MALRD1: variants seen among roughly 807,000 people sequenced by gnomAD.
The protein encoded by MALRD1 is MAM and LDL-receptor class A domain-containing protein 1.
MALRD1 carries 247 observed loss-of-function variants against 242.1 expected under a neutral mutation model. The ratio of observed to expected loss-of-function variants is 1.02; its 90% CI spans 0.92 to 1.13. The LOEUF is 1.13. MALRD1 is among the 50% of genes most tolerant of loss of function. The pLI is 0.00. For missense variants in MALRD1, 2,989 were observed against 2,533.1 expected, an observed-to-expected ratio of 1.18 and a Z score of -3.86; for synonymous variants, 995 against 866.6, an observed-to-expected ratio of 1.15 and a Z score of -2.60.
chr10:19,318,039 T>G (rs1842774451), intron 21 of MALRD1, among the ~76,000 whole-genome samples: 1 of 152,004 alleles, frequency 6.6e-6, no homozygotes, highest in African/African-American at 2.4e-5. Flanking sequence ...GAAAAGATAA[T>G]TTGAAGGTTG....
At chr10:19,303,164 G>T (rs1230416657) in intron 21 of MALRD1, among the ~76,000 whole-genome samples, 1 of 151,444 alleles carries the variant, frequency 6.6e-6, no homozygotes, top group Non-Finnish European at 1.5e-5. Context: ...TAAATAAAAG[G>T]ATTCAACAAG....
chr10:19,373,345 A>G (rs904588800), intron 26 of MALRD1, among the ~76,000 whole-genome samples: 1 of 151,984 alleles, frequency 6.6e-6, no homozygotes, highest in African/African-American at 2.4e-5. Flanking sequence ...TACTAAAAAT[A>G]CAGAAACAAC....
chr10:19,657,823 A>G (rs1841235745), intron 36 of MALRD1, among the ~76,000 whole-genome samples: 1 of 152,182 alleles, frequency 6.6e-6, no homozygotes, highest in Non-Finnish European at 1.5e-5. Flanking sequence ...TATAGATTAT[A>G]TACACATGCA....
chr10:19,645,570 C>T (rs1840617583), intron 36 of MALRD1, among the ~76,000 whole-genome samples: 1 of 152,124 alleles, frequency 6.6e-6, no homozygotes, highest in Non-Finnish European at 1.5e-5. Flanking sequence ...GAGTTCATGT[C>T]CTTTGTAGGG....
intron 29 of MALRD1, chr10:19,490,983 G>A: frequency 5.6e-6 from 1 of 178,524 alleles, no homozygotes; most frequent in South Asian, 1.3e-4. Flanking sequence ...ACCTCCACCA[G>A]CCAGTATGTT....
At chr10:19,388,860 T>C (rs1046915810) in intron 27 of MALRD1, among the ~76,000 whole-genome samples, 3 of 142,922 alleles carry the variant, frequency 2.1e-5, no homozygotes, top group East Asian at 4.1e-4. Context: ...AGTCTAAATA[T>C]TGAAATTCCA....
chr10:19,255,875 C>T (rs548240383), intron 18 of MALRD1, among the ~76,000 whole-genome samples: 13 of 152,080 alleles, frequency 8.5e-5, no homozygotes, highest in African/African-American at 2.9e-4. Context: ...CATTCTCTAA[C>T]CTGTTATGGC....
intron 19 of MALRD1, among the ~76,000 whole-genome samples, chr10:19,269,265 T>C (rs555865223): frequency 1.3e-5 from 2 of 152,008 alleles, no homozygotes; most frequent in South Asian, 4.2e-4. Flanking sequence ...TAATTTGGAG[T>C]AGATTAGGTC....
intron 33 of MALRD1, among the ~76,000 whole-genome samples, chr10:19,584,619 T>A (rs1408742482): frequency 3.3e-5 from 5 of 152,036 alleles, no homozygotes; most frequent in Non-Finnish European, 7.4e-5. Context: ...TTCTTTTACA[T>A]TTGCTGAGGA....
At chr10:19,078,431 T>G (rs1472727352) in intron 2 of MALRD1, among the ~76,000 whole-genome samples, 1 of 151,928 alleles carries the variant, frequency 6.6e-6, no homozygotes, top group Non-Finnish European at 1.5e-5. Context: ...CGAAAAATTT[T>G]TAAAATGTGT....
intron 10 of MALRD1, among the ~76,000 whole-genome samples, chr10:19,137,607 GAAAAAAAAAAA>G (rs34768480): frequency 4.7e-5 from 4 of 84,452 alleles, no homozygotes; most frequent in African/African-American, 8.8e-5. Flanking sequence ...GACTCCGTCT[GAAAAAAAAAAA>G]AAAAAAAAAA....
At chr10:19,715,202 A>G (rs1834327256) in intron 38 of MALRD1, among the ~76,000 whole-genome samples, 1 of 151,988 alleles carries the variant, frequency 6.6e-6, no homozygotes, top group South Asian at 2.1e-4. Context: ...GTCTCAACAT[A>G]CCATCACACC....
At chr10:19,697,202 C>A (rs1833419710) in intron 38 of MALRD1, among the ~76,000 whole-genome samples, 1 of 152,088 alleles carries the variant, frequency 6.6e-6, no homozygotes, top group Non-Finnish European at 1.5e-5. Flanking sequence ...ATTGTGGGGA[C>A]TGGCAAGCTT....
At chr10:19,121,113 G>A (rs1025844868) in intron 5 of MALRD1, among the ~76,000 whole-genome samples, 3 of 137,250 alleles carry the variant, frequency 2.2e-5, no homozygotes, top group Non-Finnish European at 3.0e-5. Flanking sequence ...GTGCGATCTC[G>A]GCTCACTGCA....
In MALRD1 at chr10:19,076,022, C is replaced by G. The variant is rs79202483; in HGVS notation, c.340+9163C>G. ...TGGAGACCTGGATTCCCCTTAAACA[C>G]TAATTAATGGTATGATTTGGGGGAA... On this transcript the variant is annotated intron_variant, in intron 2 of 39. Coordinates refer to ENST00000454679, the MANE Select transcript of MALRD1 (RefSeq NM_001142308.3). 1.6e-3 allele frequency among the ~76,000 whole-genome samples: 238 copies of G among 152,104 alleles called. 7 individuals are homozygous for G. The East Asian group carries it at 0.04, about 26-fold the overall frequency.
chr10:19,635,495 A>G (rs1840088835), intron 36 of MALRD1, among the ~76,000 whole-genome samples: 1 of 152,192 alleles, frequency 6.6e-6, no homozygotes, highest in Non-Finnish European at 1.5e-5. Flanking sequence ...TCTAAGTTAA[A>G]TACAGTAGAA....
intron 13 of MALRD1, among the ~76,000 whole-genome samples, chr10:19,168,305 G>A (rs1186803183): frequency 6.6e-6 from 1 of 152,174 alleles, no homozygotes; most frequent in Non-Finnish European, 1.5e-5. Flanking sequence ...GCAGGGCAAT[G>A]AAATCAGAAC....
intron 18 of MALRD1, among the ~76,000 whole-genome samples, chr10:19,231,981 C>G (rs888035897): frequency 4.0e-5 from 6 of 151,872 alleles, no homozygotes; most frequent in South Asian, 4.2e-4. Flanking sequence ...AATAATCTTT[C>G]CAAATCTCTA....
chr10:19,622,656 A>T (rs73595871), intron 36 of MALRD1, among the ~76,000 whole-genome samples: 2 of 149,688 alleles, frequency 1.3e-5, no homozygotes, highest in African/African-American at 5.0e-5. Context: ...TGAAAAAAAA[A>T]AAAACAAACT....
Sources: allele counts gnomAD v4.1 joint callset (sites outside exome capture counted in the v4.1 genomes callset), GRCh38; gene constraint gnomAD v4.1.1; transcripts MANE v1.5; gene names NCBI Gene and HGNC (gene_info 2026-07-23, HGNC 2026-07-21).